The following PSMA1 variants were observed in gnomAD, a reference collection of about 807,000 sequenced individuals.
PSMA1 encodes the protein proteasome 20S subunit alpha 1, also known as proteasome subunit alpha type-1.
A neutral mutation model predicts 38.4 loss-of-function variants in PSMA1; 3 were observed. The observed-to-expected ratio is 0.08, with a 90% CI of 0.04 to 0.20. The LOEUF (loss-of-function observed/expected upper bound fraction) is 0.20, where lower values mean the gene tolerates loss of function less well. Among genes scored for constraint, PSMA1 ranks in the 10% least tolerant of loss-of-function variants. The probability of loss-of-function intolerance (pLI) is 1.00; values close to 1 mark genes in which losing one functional copy is unlikely to be tolerated. For synonymous variants in PSMA1, 101 were observed against 107.1 expected (o/e 0.94, Z 0.35); for missense variants, 227 against 325.3 (o/e 0.70, Z 2.32).
At chr11:14,595,238 T>A (rs11023266) in intron 2 of PSMA1, among the ~76,000 whole-genome samples, 5,491 of 152,284 alleles carry the variant, frequency 0.036, 135 homozygotes, top group Non-Finnish European at 0.056. Flanking sequence ...GTCTTTACAG[T>A]AGCATTATTT....
At chr11:14,511,030 C>A in intron 7 of PSMA1, 79 bp from the exon 8 acceptor site, 1 of 1,013,014 alleles carries the variant, frequency 9.9e-7, no homozygotes, top group East Asian at 2.9e-5. Flanking sequence ...TCTACAGTCT[C>A]AAATTGTGGT....
chr11:14,597,233 T>C (rs1390937768), intron 2 of PSMA1, among the ~76,000 whole-genome samples: 1 of 152,222 alleles, frequency 6.6e-6, no homozygotes, highest in East Asian at 1.9e-4. Context: ...TGCCACGCTT[T>C]GGTATCAAGA....
chr11:14,566,064 C>T lies in PSMA1; in HGVS notation c.21+44902G>A, dbSNP rs560434475. On this transcript the variant is annotated intron_variant, in intron 2 of 10. Coordinates refer to the PSMA1 transcript ENST00000418988. ...CCTGGATATCTGACAAAAAGCAAGG[C>T]CAGTGTGGCCGGAGTGAAGTGAGCA... Among the ~76,000 whole-genome samples the T allele has an allele frequency of 2.0e-5, 3 of 152,218 alleles. No homozygotes were observed. In the East Asian group the frequency reaches 5.8e-4, roughly 29 times the overall value.
chr11:14,595,553 T>A (rs536164958), intron 2 of PSMA1, among the ~76,000 whole-genome samples: 10 of 152,262 alleles, frequency 6.6e-5, no homozygotes, highest in Non-Finnish European at 1.0e-4. Flanking sequence ...GATGTCTTCT[T>A]TGCAGAAGTG....
chr11:14,534,916 A>C lies in PSMA1; in HGVS notation c.22-15875T>G, dbSNP rs1851686305. Among the ~76,000 whole-genome samples, 1 of 152,154 alleles carries C rather than the reference A, an allele frequency of 6.6e-6. No individual in the cohort carries two copies. The highest frequency in any genetic ancestry group is 2.4e-5 in the African/African-American group (1 of 41,440). On this transcript the variant is annotated intron_variant, in intron 2 of 10. Transcript: ENST00000418988. The surrounding 1 kb of genome is among the most constrained non-coding windows in gnomAD (Gnocchi z 4.5). ...CATGGCAAAACCCCGTCTCTACTAA[A>C]AATACAAAATTAGCGGGCATGGTGG...
intron 8 of PSMA1, among the ~76,000 whole-genome samples, chr11:14,508,034 C>T (rs1055653014): frequency 1.3e-5 from 2 of 152,052 alleles, no homozygotes; most frequent in African/African-American, 4.8e-5. Context: ...ATAATGCAGG[C>T]TATAAAGTCT....
chr11:14,563,227 A>G (rs765076076), intron 2 of PSMA1, among the ~76,000 whole-genome samples: 11 of 152,186 alleles, frequency 7.2e-5, no homozygotes, highest in Admixed American at 3.9e-4. Flanking sequence ...ACTTGAGGAA[A>G]TGAGAAATTG....
At chr11:14,615,586 A>AG (rs1428877882) in intron 1 of PSMA1, among the ~76,000 whole-genome samples, 1 of 152,168 alleles carries the variant, frequency 6.6e-6, no homozygotes, top group Non-Finnish European at 1.5e-5. Context: ...TTGTTTCTTC[A>AG]GGCCTAGGTG....
At chr11:14,517,784 A>G (rs755493809) in intron 3 of PSMA1, 39 bp from the exon 4 acceptor site, 94 of 1,439,978 alleles carry the variant, frequency 6.5e-5, no homozygotes, top group East Asian at 2.8e-4. Context: ...AAAAAAAAAA[A>G]AGAGACAAAT....
chr11:14,602,548 T>C (rs1028351929), intron 2 of PSMA1, among the ~76,000 whole-genome samples: 1 of 152,194 alleles, frequency 6.6e-6, no homozygotes, highest in African/African-American at 2.4e-5. Context: ...TTTTACAGTC[T>C]ACAAAGTGTA....
chr11:14,589,961 T>A (rs760349919), intron 2 of PSMA1, among the ~76,000 whole-genome samples: 17 of 152,196 alleles, frequency 1.1e-4, no homozygotes, highest in Non-Finnish European at 2.2e-4. Context: ...CACTGATGGA[T>A]GAATGGATAA....
At chr11:14,514,236 G>A (rs894203209) in intron 5 of PSMA1, 167 bp downstream of exon 5, 1 of 1,364,390 alleles carries the variant, frequency 7.3e-7, no homozygotes, top group African/African-American at 1.5e-5. Context: ...TTTGTGTCTA[G>A]CAAATATAAA....
chr11:14,510,195 C>T (rs114006706), intron 8 of PSMA1, among the ~76,000 whole-genome samples: 2,537 of 152,188 alleles, frequency 0.017, 69 homozygotes, highest in African/African-American at 0.058. Context: ...CTCTTCCTCT[C>T]GATGATTGAC....
chr11:14,582,980 A>C (rs1852301005), intron 2 of PSMA1, among the ~76,000 whole-genome samples: 1 of 152,168 alleles, frequency 6.6e-6, no homozygotes, highest in African/African-American at 2.4e-5. Flanking sequence ...GCGACGGCCA[A>C]ACCCAGCTGG....
At chr11:14,571,198 G>GACT in intron 2 of PSMA1, among the ~76,000 whole-genome samples, 1 of 152,180 alleles carries the variant, frequency 6.6e-6, no homozygotes, top group Non-Finnish European at 1.5e-5. Flanking sequence ...AAGTAGCTGG[G>GACT]ACTACAGGAA....
rs776522565 is a variant in PSMA1 at position 14,562,628 on chromosome 11, A to AT, written c.22-43588dup. On this transcript the variant is annotated intron_variant, in intron 2 of 10. Coordinates refer to the PSMA1 transcript ENST00000418988. ...AATAAATATGCTTCTATTCATGAGCATTTTTTTTTTTTTTGAGACAGGGTC... is the reference window on the plus strand; with the variant it reads ...AATAAATATGCTTCTATTCATGAGCATTTTTTTTTTTTTTTGAGACAGGGTC... 4.6e-3 allele frequency among the ~76,000 whole-genome samples: 663 copies of AT among 144,106 alleles called. 3 individuals carry two copies. The highest frequency in any genetic ancestry group is 7.3e-3 in the Middle Eastern group (2 of 274). The allele number at this position is 144,106 out of a possible 152,430, so 94.5% of individuals were successfully genotyped here. A position where few individuals can be genotyped will look rare whatever the true frequency, so the allele number is the denominator to read the frequency against.
At chr11:14,532,619 A>AG (rs1851660001) in intron 2 of PSMA1, among the ~76,000 whole-genome samples, 1 of 148,178 alleles carries the variant, frequency 6.7e-6, no homozygotes, top group Non-Finnish European at 1.5e-5. Context: ...AAAAAAAAAA[A>AG]GGGGGATATA....
chr11:14,510,773 C>T, intron 8 of PSMA1, 99 bp downstream of exon 8: 1 of 718,950 alleles, frequency 1.4e-6, no homozygotes. Flanking sequence ...ACAATCATAT[C>T]CCAAATTACA....
At chr11:14,571,005 C>A (rs1852132729) in intron 2 of PSMA1, among the ~76,000 whole-genome samples, 1 of 152,230 alleles carries the variant, frequency 6.6e-6, no homozygotes, top group African/African-American at 2.4e-5. Context: ...AACAGCAGAT[C>A]TCTCAGAAGA....
Sources: gnomAD v4.1 joint callset for allele counts (sites outside exome capture counted in the v4.1 genomes callset) on GRCh38, gnomAD v4.1.1 for gene constraint, Gnocchi (gnomAD v3.1) non-coding constraint, MANE v1.5 for transcripts, NCBI Gene and HGNC (gene_info 2026-07-23, HGNC 2026-07-21) for gene names.